CXCL13: variants seen among roughly 807,000 people sequenced by gnomAD.
CXCL13 encodes the protein C-X-C motif chemokine ligand 13.
Under a neutral mutation model 12.2 loss-of-function variants are expected in CXCL13, and 7 were observed. The observed-to-expected ratio is 0.57, with a 90% CI of 0.33 to 1.07. The LOEUF is 1.07. Among genes scored for constraint, CXCL13 ranks in the 50% least tolerant of loss-of-function variants. CXCL13 has a pLI of 0.04. For synonymous variants in CXCL13, 47 were observed against 42.4 expected, an observed-to-expected ratio of 1.11 and a Z score of -0.42; for missense variants, 113 against 127.4, an observed-to-expected ratio of 0.89 and a Z score of 0.55.
chr4:77,542,033 G>A (rs566587389), intron 1 of CXCL13, among the ~76,000 whole-genome samples: 4 of 152,162 alleles, frequency 2.6e-5, no homozygotes, highest in Non-Finnish European at 5.9e-5. Context: ...GTATAGAAAT[G>A]CCACAGATTT....
chr4:77,548,567 T>C (rs1725432498), intron 1 of CXCL13, among the ~76,000 whole-genome samples: 1 of 152,194 alleles, frequency 6.6e-6, no homozygotes, highest in Admixed American at 6.5e-5. Flanking sequence ...AATTAGTACA[T>C]GAGAAAAAGT....
intron 1 of CXCL13, among the ~76,000 whole-genome samples, chr4:77,519,836 T>A (rs1409417934): frequency 3.3e-5 from 5 of 152,244 alleles, no homozygotes; most frequent in Non-Finnish European, 7.3e-5. Flanking sequence ...TCTAGGATTT[T>A]TATGATTTTA....
chr4:77,589,825 G>A lies in CXCL13; in HGVS notation c.-42-15999G>A, dbSNP rs554788668. Among the ~76,000 whole-genome samples, 22 of 152,232 alleles carry A rather than the reference G, an allele frequency of 1.4e-4. 1 individual carries two copies. In the East Asian group the frequency reaches 3.3e-3, roughly 23 times the overall value. On this transcript the variant is annotated intron_variant, in intron 1 of 4. Transcript: ENST00000286758. ...GCCCAAGCTGTCTAGTGCTTCTTTCGCATCAATTAGACAGAGGAAATTAGG... is the reference window on the plus strand; with the variant it reads ...GCCCAAGCTGTCTAGTGCTTCTTTCACATCAATTAGACAGAGGAAATTAGG...
intron 1 of CXCL13, among the ~76,000 whole-genome samples, chr4:77,560,450 T>C (rs1409345903): frequency 6.6e-6 from 1 of 152,210 alleles, no homozygotes; most frequent in Non-Finnish European, 1.5e-5. Context: ...CAGCATACAT[T>C]CCTAAACAAT....
intron 1 of CXCL13, among the ~76,000 whole-genome samples, chr4:77,545,995 A>G (rs1018529938): frequency 3.9e-5 from 6 of 152,132 alleles, no homozygotes; most frequent in African/African-American, 7.2e-5. Context: ...TTCTGCCTCT[A>G]TTGAGATCAT....
chr4:77,605,580 T>C (rs1437704588), upstream of CXCL13, among the ~76,000 whole-genome samples: 3 of 152,192 alleles, frequency 2.0e-5, no homozygotes, highest in Non-Finnish European at 2.9e-5. Flanking sequence ...GATTATCCTT[T>C]CTCCCCACCC....
intron 1 of CXCL13, among the ~76,000 whole-genome samples, chr4:77,514,775 T>C (rs1484055526): frequency 6.6e-6 from 1 of 152,206 alleles, no homozygotes; most frequent in Non-Finnish European, 1.5e-5. Flanking sequence ...ACTCTGATGG[T>C]AGTTTCTTTT....
intron 1 of CXCL13, among the ~76,000 whole-genome samples, chr4:77,518,690 A>C (rs893136147): frequency 6.6e-6 from 1 of 152,106 alleles, no homozygotes; most frequent in African/African-American, 2.4e-5. Context: ...CTAGTTATAC[A>C]TTCGTCTAAA....
chr4:77,538,350 C>T (rs1237852084), intron 1 of CXCL13, among the ~76,000 whole-genome samples: 1 of 148,094 alleles, frequency 6.8e-6, no homozygotes, highest in Non-Finnish European at 1.5e-5. Flanking sequence ...TTTTTTTAAT[C>T]AGTGAAGAAT....
chr4:77,562,106 G>A (rs1725828973), intron 1 of CXCL13, among the ~76,000 whole-genome samples: 1 of 152,024 alleles, frequency 6.6e-6, no homozygotes, highest in South Asian at 2.1e-4. Context: ...GCCTCCCTGT[G>A]GGGAAGGCCT....
chr4:77,592,445 A>G (rs1374572651), intron 1 of CXCL13, among the ~76,000 whole-genome samples: 1 of 152,148 alleles, frequency 6.6e-6, no homozygotes, highest in African/African-American at 2.4e-5. Flanking sequence ...ATGGGGAGAT[A>G]TTGGTGAAAG....
At chr4:77,563,681 G>A (rs1474444648) in intron 1 of CXCL13, among the ~76,000 whole-genome samples, 6 of 152,212 alleles carry the variant, frequency 3.9e-5, no homozygotes, top group South Asian at 2.1e-4. Context: ...ACAGATGAAA[G>A]ATGAGATTCT....
At chr4:77,522,513 G>GTTTTT (rs1724634803) in intron 1 of CXCL13, among the ~76,000 whole-genome samples, 1 of 23,376 alleles carries the variant, frequency 4.3e-5, no homozygotes, top group Non-Finnish European at 8.0e-5. Context: ...TGCAACCCCT[G>GTTTTT]CTTTTTTTTT....
intron 1 of CXCL13, among the ~76,000 whole-genome samples, chr4:77,572,275 C>T (rs1726104672): frequency 6.6e-6 from 1 of 151,804 alleles, no homozygotes; most frequent in African/African-American, 2.4e-5. Flanking sequence ...GTGGCACATG[C>T]CTGTAATCCC....
chr4:77,537,300 AG>A (rs936031078), intron 1 of CXCL13, among the ~76,000 whole-genome samples: 7 of 152,298 alleles, frequency 4.6e-5, no homozygotes, highest in African/African-American at 1.4e-4. Context: ...GACTGCAGAG[AG>A]GAGCTGTGTG....
At chr4:77,565,801 A>G (rs1379137018) in intron 1 of CXCL13, among the ~76,000 whole-genome samples, 1 of 152,218 alleles carries the variant, frequency 6.6e-6, no homozygotes, top group African/African-American at 2.4e-5. Flanking sequence ...AGACAGCTGA[A>G]GGACATGGAA....
chr4:77,518,891 T>C, intron 1 of CXCL13, among the ~76,000 whole-genome samples: 1 of 152,190 alleles, frequency 6.6e-6, no homozygotes, highest in Non-Finnish European at 1.5e-5. Flanking sequence ...TTTCCAGTGT[T>C]TCTGCTCTGT....
chr4:77,591,385 C>T (rs554912290), intron 1 of CXCL13, among the ~76,000 whole-genome samples: 128 of 151,494 alleles, frequency 8.4e-4, no homozygotes, highest in African/African-American at 3.0e-3. Flanking sequence ...CCCGTTTCTA[C>T]TAAAAAATAC....
chr4:77,529,026 TA>T (rs1294568488), intron 1 of CXCL13, among the ~76,000 whole-genome samples: 1 of 152,238 alleles, frequency 6.6e-6, no homozygotes, highest in Non-Finnish European at 1.5e-5. Flanking sequence ...CACCATTTAT[TA>T]AATAGGGAAT....
Sources: allele counts gnomAD v4.1 joint callset (sites outside exome capture counted in the v4.1 genomes callset), GRCh38; gene constraint gnomAD v4.1.1; transcripts MANE v1.5; gene names NCBI Gene and HGNC (gene_info 2026-07-23, HGNC 2026-07-21).